BSG: variants seen among roughly 807,000 people sequenced by gnomAD.
BSG encodes the protein basigin (Ok blood group), also known as basigin.
Under a neutral mutation model 43.1 loss-of-function variants are expected in BSG, and 37 were observed. That is an observed-to-expected ratio of 0.86 (90% confidence interval 0.66 to 1.13). The LOEUF is 1.13. Ranked by LOEUF, BSG falls within the 50% of genes most tolerant of loss-of-function variation. The pLI, the probability that BSG is intolerant of heterozygous loss-of-function variation, is 0.00. For missense variants in BSG, 599 were observed against 554.2 expected, an observed-to-expected ratio of 1.08 and a Z score of -0.81; for synonymous variants, 309 against 238.7, an observed-to-expected ratio of 1.29 and a Z score of -2.72.
At position 581,594 on chromosome 19, in the gene BSG, G is replaced by A; in HGVS notation, c.1069+3G>A. 1 of 1,583,890 alleles carries A rather than the reference G, an allele frequency of 6.3e-7. No individual in the cohort carries two copies. Among genetic ancestry groups the A allele is most frequent in the Non-Finnish European group, 8.6e-7 (1 of 1,167,900 alleles). ...GAAGCCCGAGGACGTCCTGGATGGT[G>A]AGCCGTCTGCCCTCCTGCCCACATG... On this transcript the variant is annotated splice_donor_region_variant and intron_variant, in intron 6 of 8. Coordinates refer to ENST00000333511, the MANE Select transcript of BSG (RefSeq NM_001728.4).
upstream of BSG, chr19:571,299 T>TG (rs1981211796): frequency 1.7e-6 from 1 of 583,208 alleles, no homozygotes; most frequent in East Asian, 2.9e-5. Flanking sequence ...GCCACATTCC[T>TG]GCCCCTTTCC....
chr19:571,883 G>C, upstream of BSG: 1 of 449,036 alleles, frequency 2.2e-6, no homozygotes, highest in Non-Finnish European at 4.0e-6. Flanking sequence ...TGCGAGGAAA[G>C]AAGAAGGGGG....
Position 582,594 on chromosome 19 carries a change from G to C in BSG, c.*5+12G>C, listed in dbSNP as rs761134608. The C allele has an allele frequency of 2.7e-5, 34 of 1,275,906 alleles. No individual in the cohort carries two copies. The highest frequency in any genetic ancestry group is 3.5e-5 in the Non-Finnish European group (33 of 939,732). The allele number at this position is 1,275,906 out of a possible 1,614,324, so 79.0% of individuals were successfully genotyped here. A position where few individuals can be genotyped will look rare whatever the true frequency, so the allele number is the denominator to read the frequency against. The stretch of plus-strand genomic sequence containing the variant: ...TCTTCCTGAGGCAGGTGCGGTGGGC[G>C]GGAGCTCCTCCTGAGCCAGGTGTGG... On this transcript the variant is annotated intron_variant, in intron 8 of 8. Transcript: ENST00000333511.
In BSG at chr19:582,756, C is replaced by G; in HGVS notation, c.*12C>G. On this transcript the variant is annotated 3_prime_UTR_variant, in exon 9 of 9. Coordinates refer to ENST00000333511, the MANE Select transcript of BSG (RefSeq NM_001728.4). ...CGCCCCTCCCTGTCCACAGGTGGCC[C>G]GAGGACGCTCCCTGCTCCACGTCTG... 1 of 673,226 alleles carries G rather than the reference C, an allele frequency of 1.5e-6. No homozygotes were observed. The highest frequency in any genetic ancestry group is 2.5e-6 in the Non-Finnish European group (1 of 395,408). The allele number at this position is 673,226 out of a possible 1,614,324, so 41.7% of individuals were successfully genotyped here.
intron 1 of BSG, among the ~76,000 whole-genome samples, chr19:577,246 G>A (rs7260603): frequency 0.15 from 21,384 of 140,826 alleles, 1,637 homozygotes; most frequent in Admixed American, 0.22. Flanking sequence ...TCCCAAATCC[G>A]CCTCTCTCTG....
chr19:576,519 T>C (rs140385832), intron 1 of BSG, among the ~76,000 whole-genome samples: 1 of 152,308 alleles, frequency 6.6e-6, no homozygotes, highest in East Asian at 1.9e-4. Flanking sequence ...CCCAGCACTT[T>C]GGGAGGCCCA....
chr19:580,490 A>G, intron 4 of BSG, 29 bp downstream of exon 4: 1 of 1,608,738 alleles, frequency 6.2e-7, no homozygotes, highest in South Asian at 1.1e-5. Flanking sequence ...GGTACCGGGC[A>G]CCACCGACTG....
In BSG at chr19:572,617, C is replaced by T. The variant is rs766329922; in HGVS notation, c.-18C>T. On this transcript the variant is annotated 5_prime_UTR_variant, in exon 1 of 9. Transcript: ENST00000333511. Reference sequence around the variant, plus strand: ...CGGCAGCGGTTGGAGGTTGTAGGACCGGCGAGGAATAGGAATCATGGCGGC... The same window carrying T: ...CGGCAGCGGTTGGAGGTTGTAGGACTGGCGAGGAATAGGAATCATGGCGGC... 1.1e-5 allele frequency: 17 copies of T among 1,490,868 alleles called. No individual in the cohort carries two copies. In the Admixed American group the frequency reaches 1.6e-4, roughly 14 times the overall value. 92.4% of individuals were successfully genotyped at this position (1,490,868 alleles called of 1,614,324 possible).
intron 5 of BSG, 95 bp from the exon 6 acceptor site, chr19:581,220 G>T: frequency 7.9e-7 from 1 of 1,272,540 alleles, no homozygotes; most frequent in Non-Finnish European, 1.0e-6. Flanking sequence ...ACTGGGTGAG[G>T]GGCCTAGACT....
At chr19:573,675 C>G (rs1390767187) in intron 1 of BSG, among the ~76,000 whole-genome samples, 1 of 152,038 alleles carries the variant, frequency 6.6e-6, no homozygotes, top group African/African-American at 2.4e-5. Flanking sequence ...GGCGAGGAAA[C>G]AGCCCTGTGG....
chr19:582,911 G>A lies in BSG; in HGVS notation c.*167G>A, dbSNP rs902757953. The A allele has an allele frequency of 7.8e-6, 3 of 384,086 alleles. No homozygotes were observed. Among genetic ancestry groups the A allele is most frequent in the Admixed American group, 4.4e-5 (1 of 22,816 alleles). 23.8% of individuals were successfully genotyped at this position (384,086 alleles called of 1,614,324 possible). On this transcript the variant is annotated 3_prime_UTR_variant, in exon 9 of 9. Coordinates refer to ENST00000333511, the MANE Select transcript of BSG (RefSeq NM_001728.4). The stretch of plus-strand genomic sequence containing the variant: ...AAAAAGTTGGGTTTTCTCCATTCAG[G>A]ATTCTGTTCCTTAGGTTTTTTTCCT...
At chr19:578,465 C>T (rs1429137029) in intron 2 of BSG, among the ~76,000 whole-genome samples, 1 of 152,272 alleles carries the variant, frequency 6.6e-6, no homozygotes, top group African/African-American at 2.4e-5. Flanking sequence ...CCTGAGGGGC[C>T]CTCCAAGCTC....
chr19:577,838 C>G lies in BSG; in HGVS notation c.132C>G (p.Cys44Trp). ...TGGGGGGCAGTGTGGAGCTGCACTG[C>G]GAGGCCGTGGGCAGCCCGGTGCCCG... ...RWVGGSVELH[C>W]EAVGSPVPEI... is the part of the protein sequence containing the mutation. Residue 44 changes from cysteine (C) to tryptophan (W), a missense_variant, in exon 2 of 9, where the codon TGC (cysteine) becomes TGG (tryptophan). Coordinates refer to ENST00000333511, the MANE Select transcript of BSG (RefSeq NM_001728.4). 1.3e-6 allele frequency: 2 copies of G among 1,513,160 alleles called. No homozygotes were observed. The highest frequency in any genetic ancestry group is 1.8e-6 in the Non-Finnish European group (2 of 1,122,926). The allele number at this position is 1,513,160 out of a possible 1,614,324, so 93.7% of individuals were successfully genotyped here.
chr19:578,269 C>G (rs1296248061), intron 2 of BSG, 148 bp downstream of exon 2: 35 of 857,708 alleles, frequency 4.1e-5, no homozygotes, highest in Non-Finnish European at 5.5e-5. Context: ...CGGAGGGGCC[C>G]GGACCTGAAG....
At chr19:573,725 C>T (rs916888802) in intron 1 of BSG, among the ~76,000 whole-genome samples, 5 of 152,162 alleles carry the variant, frequency 3.3e-5, no homozygotes, top group African/African-American at 1.2e-4. Flanking sequence ...GGGCCCTGGC[C>T]ACCCGATTCA....
At chr19:581,290 T>C (rs781012134) in intron 5 of BSG, 25 bp from the exon 6 acceptor site, 13 of 1,599,588 alleles carry the variant, frequency 8.1e-6, no homozygotes, top group Non-Finnish European at 9.4e-6. Context: ...GGTCCTGGAC[T>C]CAGCCCTTGC....
intron 4 of BSG, 57 bp from the exon 5 acceptor site, chr19:580,589 G>T (rs1002112375): frequency 2.5e-6 from 4 of 1,608,558 alleles, no homozygotes; most frequent in Non-Finnish European, 3.4e-6. Flanking sequence ...CCTGCGGGAG[G>T]CCGGGGATGG....
chr19:573,550 C>G (rs1389199532), intron 1 of BSG, among the ~76,000 whole-genome samples: 1 of 152,192 alleles, frequency 6.6e-6, no homozygotes, highest in Non-Finnish European at 1.5e-5. Flanking sequence ...CTCTTAAGAC[C>G]TCGCAGGCTC....
rs372913235 is a variant in BSG, at chr19:578,183, C to G, written c.415+62C>G. 90 of 1,423,902 alleles carry G rather than the reference C, an allele frequency of 6.3e-5. No homozygotes were observed. The African/African-American group carries it at 1.0e-3, about 16-fold the overall frequency. The allele number at this position is 1,423,902 out of a possible 1,614,324, so 88.2% of individuals were successfully genotyped here. A position where few individuals can be genotyped will look rare whatever the true frequency, so the allele number is the denominator to read the frequency against. On this transcript the variant is annotated intron_variant, in intron 2 of 8. Coordinates refer to ENST00000333511, the MANE Select transcript of BSG (RefSeq NM_001728.4). ...TTTCCCTCCTGTGCCGCTCGCCTCC[C>G]GGCTCCTGCTCAGTAGAACCCAGAC...
Sources: gnomAD v4.1 joint callset for allele counts (sites outside exome capture counted in the v4.1 genomes callset) on GRCh38, gnomAD v4.1.1 for gene constraint, MANE v1.5 for transcripts, NCBI Gene and HGNC (gene_info 2026-07-23, HGNC 2026-07-21) for gene names.